Variants in CD74 observed in about 807,000 individuals in gnomAD.
CD74 encodes the protein CD74 molecule, also known as HLA class II histocompatibility antigen gamma chain.
A neutral mutation model predicts 37.1 loss-of-function variants in CD74; 20 were observed. The observed-to-expected ratio is 0.54, with a 90% CI of 0.38 to 0.78. The LOEUF is 0.78. Among genes scored for constraint, CD74 ranks in the 30% least tolerant of loss-of-function variants. The pLI is 0.00. For missense variants in CD74, 338 were observed against 389.5 expected, an observed-to-expected ratio of 0.87 and a Z score of 1.11; for synonymous variants, 150 against 152.0, an observed-to-expected ratio of 0.99 and a Z score of 0.10.
Position 150,407,001 on chromosome 5 carries a change from C to G in CD74, c.299-41G>C. Reference sequence around the variant, plus strand: ...CGAGGGTAAGTGTGGCCCCGGTGCCCAGGGAGGAGGGTATCAGACCCAGAT... The same window carrying G: ...CGAGGGTAAGTGTGGCCCCGGTGCCGAGGGAGGAGGGTATCAGACCCAGAT... On this transcript the variant is annotated intron_variant, in intron 2 of 8. Coordinates refer to ENST00000009530, the MANE Select transcript of CD74 (RefSeq NM_001025159.3). The surrounding 1 kb of genome is among the most constrained non-coding windows in gnomAD (Gnocchi z 4.4). 1 of 1,553,920 alleles carries G rather than the reference C, an allele frequency of 6.4e-7. No homozygotes were observed.
intron 3 of CD74, 121 bp from the exon 4 acceptor site, chr5:150,406,442 C>A: frequency 2.6e-6 from 2 of 756,010 alleles, no homozygotes; most frequent in African/African-American, 1.7e-5. Flanking sequence ...GTCAATGGTT[C>A]CATCTCTGCC....
chr5:150,402,506 C>T lies in CD74; in HGVS notation c.880+57G>A, dbSNP rs2151166978. On this transcript the variant is annotated intron_variant, in intron 8 of 8. Transcript: ENST00000009530. This position sits in a 1 kb window ranked among gnomAD's most constrained non-coding sequence, Gnocchi z 4.2. ...ACTCCTTCACCTGCCCACAAAGGAGCTGGCCCTGCTGGGGATGAGCTGCTG... is the reference window on the plus strand; with the variant it reads ...ACTCCTTCACCTGCCCACAAAGGAGTTGGCCCTGCTGGGGATGAGCTGCTG... 1 of 1,426,458 alleles carries T rather than the reference C, an allele frequency of 7.0e-7. No homozygotes were observed. 88.4% of individuals were successfully genotyped at this position (1,426,458 alleles called of 1,614,324 possible).
Position 150,407,858 on chromosome 5 carries a change from A to C in CD74, c.126-534T>G, listed in dbSNP as rs1770078255. 6.6e-6 allele frequency among the ~76,000 whole-genome samples: 1 copy of C among 151,978 alleles called. No homozygotes were observed. The highest frequency in any genetic ancestry group is 1.5e-5 in the Non-Finnish European group (1 of 67,988). On this transcript the variant is annotated intron_variant, in intron 1 of 8. Coordinates refer to ENST00000009530, the MANE Select transcript of CD74 (RefSeq NM_001025159.3). This position sits in a 1 kb window ranked among gnomAD's most constrained non-coding sequence, Gnocchi z 4.4. The stretch of plus-strand genomic sequence containing the variant: ...AACCTCCACCTCCTGGGTTTATGCC[A>C]TTCTCCTTCCTCAGCCTCTCCGAGT...
chr5:150,406,209 A>G lies in CD74; in HGVS notation c.441+50T>C, dbSNP rs377471045. The G allele has an allele frequency of 1.8e-3, 2,570 of 1,463,530 alleles. 9 individuals are homozygous for G. The highest frequency in any genetic ancestry group is 1.8e-3 in the Non-Finnish European group (1,885 of 1,044,836). 90.7% of individuals were successfully genotyped at this position (1,463,530 alleles called of 1,614,324 possible). ...ACAGGCCTTGGAGCTTGGCCCGGCC[A>G]GGGTCCTGGGTGGGCAGGCAGGACC... is the stretch of plus-strand genomic sequence containing the variant. On this transcript the variant is annotated intron_variant, in intron 4 of 8. Coordinates refer to ENST00000009530, the MANE Select transcript of CD74 (RefSeq NM_001025159.3).
chr5:150,409,255 G>A (rs535132358), intron 1 of CD74, among the ~76,000 whole-genome samples: 102 of 151,460 alleles, frequency 6.7e-4, no homozygotes, highest in African/African-American at 2.2e-3. Flanking sequence ...GGCCGGGCGC[G>A]GTGGCTCACA....
chr5:150,404,956 T>G (rs540221209), intron 5 of CD74, 129 bp downstream of exon 5: 1 of 954,338 alleles, frequency 1.0e-6, no homozygotes, highest in African/African-American at 1.6e-5. Flanking sequence ...ATCCAGGTTT[T>G]GGAAGTGCTG....
rs2151167732 is a variant in CD74, at chr5:150,402,681, G to A, written c.818-56C>T. On this transcript the variant is annotated intron_variant, in intron 7 of 8. Transcript: ENST00000009530. This position sits in a 1 kb window ranked among gnomAD's most constrained non-coding sequence, Gnocchi z 4.2. ...TTGAAGTGCAGCCTACCTGACCCAA[G>A]ATGCCTGAGGGCAGTGCTTCCCACC... 3.4e-6 allele frequency: 5 copies of A among 1,462,152 alleles called. No individual in the cohort carries two copies. Among genetic ancestry groups the A allele is most frequent in the African/African-American group, 1.4e-5 (1 of 71,896 alleles). The allele number at this position is 1,462,152 out of a possible 1,614,324, so 90.6% of individuals were successfully genotyped here. A position where few individuals can be genotyped will look rare whatever the true frequency, so the allele number is the denominator to read the frequency against.
chr5:150,403,465 T>G lies in CD74; in HGVS notation c.626-153A>C, dbSNP rs1471470505. 6.6e-6 allele frequency among the ~76,000 whole-genome samples: 1 copy of G among 152,192 alleles called. No individual in the cohort carries two copies. The highest frequency in any genetic ancestry group is 2.4e-5 in the African/African-American group (1 of 41,458). On this transcript the variant is annotated intron_variant, in intron 6 of 8. Coordinates refer to ENST00000009530, the MANE Select transcript of CD74 (RefSeq NM_001025159.3). The surrounding 1 kb of genome is among the most constrained non-coding windows in gnomAD (Gnocchi z 4.5). ...CCAGCCATCACACGGATGGGAAAAC[T>G]GAGGCCTAGACCAACAAGGTCTGAG...
intron 1 of CD74, among the ~76,000 whole-genome samples, chr5:150,410,420 G>T (rs182803250): frequency 5.9e-5 from 9 of 152,172 alleles, no homozygotes; most frequent in Admixed American, 3.3e-4. Flanking sequence ...AGTAAAATCG[G>T]GTAAAACATC....
chr5:150,406,690 G>T, intron 3 of CD74, 191 bp downstream of exon 3: 1 of 588,646 alleles, frequency 1.7e-6, no homozygotes, highest in East Asian at 2.8e-5. Context: ...CCCAGGGATG[G>T]CACCAAGAGA....
rs771469724 is a variant in CD74 at position 150,407,428 on chromosome 5, C to T, written c.126-104G>A. 3.6e-5 allele frequency: 30 copies of T among 834,654 alleles called. No individual in the cohort carries two copies. Among genetic ancestry groups the T allele is most frequent in the African/African-American group, 1.4e-4 (8 of 58,436 alleles). 51.7% of individuals were successfully genotyped at this position (834,654 alleles called of 1,614,324 possible). On this transcript the variant is annotated intron_variant, in intron 1 of 8. Coordinates refer to ENST00000009530, the MANE Select transcript of CD74 (RefSeq NM_001025159.3). The surrounding 1 kb of genome is among the most constrained non-coding windows in gnomAD (Gnocchi z 4.4). Reference sequence around the variant, plus strand: ...TGTATACCCCCATCTCCATTAGACCCCTAAGCCACCCCTAATAAACAATGC... The same window carrying T: ...TGTATACCCCCATCTCCATTAGACCTCTAAGCCACCCCTAATAAACAATGC...
At chr5:150,405,011 T>C (rs1769871004) in intron 5 of CD74, 74 bp downstream of exon 5, 2 of 631,984 alleles carry the variant, frequency 3.2e-6, no homozygotes, top group Non-Finnish European at 2.8e-6. Flanking sequence ...CAGCCCACCC[T>C]CACCCCACCT....
chr5:150,402,134 G>A lies in CD74; in HGVS notation c.*106C>T, dbSNP rs1769656062. 2 of 1,541,128 alleles carry A rather than the reference G, an allele frequency of 1.3e-6. No homozygotes were observed. Among genetic ancestry groups the A allele is most frequent in the Non-Finnish European group, 1.8e-6 (2 of 1,138,532 alleles). The stretch of plus-strand genomic sequence containing the variant: ...AGAGCCAGGCACCAGGGTCTCATGG[G>A]ATGAGGTACAGGGTGGGAGATGGGG... On this transcript the variant is annotated 3_prime_UTR_variant, in exon 9 of 9. Transcript: ENST00000009530. This position sits in a 1 kb window ranked among gnomAD's most constrained non-coding sequence, Gnocchi z 4.2.
chr5:150,407,986 A>T lies in CD74; in HGVS notation c.126-662T>A, dbSNP rs1014374147. ...TCTCGATCTCCTGATCTCGTGATCCACCCACCTCAGCCTCCCAAAGTGCTG... is the reference window on the plus strand; with the variant it reads ...TCTCGATCTCCTGATCTCGTGATCCTCCCACCTCAGCCTCCCAAAGTGCTG... On this transcript the variant is annotated intron_variant, in intron 1 of 8. Coordinates refer to ENST00000009530, the MANE Select transcript of CD74 (RefSeq NM_001025159.3). The surrounding 1 kb of genome is among the most constrained non-coding windows in gnomAD (Gnocchi z 4.4). Among the ~76,000 whole-genome samples, 23 of 151,294 alleles carry T rather than the reference A, an allele frequency of 1.5e-4. No individual in the cohort carries two copies. In the South Asian group the frequency reaches 4.4e-3, roughly 29 times the overall value.
At chr5:150,405,252 A>C in intron 4 of CD74, 72 bp from the exon 5 acceptor site, 1 of 1,509,582 alleles carries the variant, frequency 6.6e-7, no homozygotes, top group Non-Finnish European at 8.9e-7. Context: ...TGTGTAGCCC[A>C]CGTTCCCTTG....
chr5:150,404,274 C>G (rs139574417), intron 6 of CD74, among the ~76,000 whole-genome samples: 132 of 152,320 alleles, frequency 8.7e-4, no homozygotes, highest in African/African-American at 3.2e-3. Context: ...GCCCAAGGCT[C>G]TCTTGGCAGC....
chr5:150,409,195 C>T (rs1770182765), intron 1 of CD74, among the ~76,000 whole-genome samples: 1 of 151,128 alleles, frequency 6.6e-6, no homozygotes, highest in African/African-American at 2.4e-5. Context: ...TGCACTCCAG[C>T]CTGGGTGACA....
chr5:150,402,161 A>C lies in CD74; in HGVS notation c.*79T>G. Reference sequence around the variant, plus strand: ...TGAGGTACAGGGTGGGAGATGGGGGAGGGGCTGGGGGCTGAAGGGAGCAAG... The same window carrying C: ...TGAGGTACAGGGTGGGAGATGGGGGCGGGGCTGGGGGCTGAAGGGAGCAAG... On this transcript the variant is annotated 3_prime_UTR_variant, in exon 9 of 9. Transcript: ENST00000009530. This position sits in a 1 kb window ranked among gnomAD's most constrained non-coding sequence, Gnocchi z 4.2. 2 of 1,436,710 alleles carry C rather than the reference A, an allele frequency of 1.4e-6. No homozygotes were observed. Among genetic ancestry groups the C allele is most frequent in the Non-Finnish European group, 1.9e-6 (2 of 1,043,196 alleles). The allele number at this position is 1,436,710 out of a possible 1,614,324, so 89.0% of individuals were successfully genotyped here.
Position 150,412,815 on chromosome 5 carries a change from A to G in CD74, c.-66T>C. The G allele has an allele frequency of 6.2e-7, 1 of 1,603,100 alleles. No individual in the cohort carries two copies. Among genetic ancestry groups the G allele is most frequent in the Non-Finnish European group, 8.5e-7 (1 of 1,174,722 alleles). On this transcript the variant is annotated 5_prime_UTR_variant, in exon 1 of 9. Transcript: ENST00000009530. ...CTGGAGAGGAATCTGATTCGTCCAC[A>G]GAAGGCCACTCCGCCCACTTGGTAG...
Sources: allele counts gnomAD v4.1 joint callset (sites outside exome capture counted in the v4.1 genomes callset), GRCh38; gene constraint gnomAD v4.1.1; non-coding constraint Gnocchi (gnomAD v3.1); transcripts MANE v1.5; gene names NCBI Gene and HGNC (gene_info 2026-07-23, HGNC 2026-07-21).